The following DTNA variants were observed in gnomAD, a reference collection of about 807,000 sequenced individuals.
DTNA encodes the protein dystrophin-related protein 3.
A neutral mutation model predicts 100.7 loss-of-function variants in DTNA; 43 were observed. The observed-to-expected ratio is 0.43, with a 90% confidence interval of 0.33 to 0.55. The LOEUF (loss-of-function observed/expected upper bound fraction) is 0.55. Among genes scored for constraint, DTNA ranks in the 20% least tolerant of loss-of-function variants. The probability of loss-of-function intolerance (pLI) is 0.04; values close to 1 mark genes in which losing one functional copy is unlikely to be tolerated. For synonymous variants in DTNA, 349 were observed against 347.9 expected (o/e 1.00, Z -0.04); for missense variants, 798 against 953.9 (o/e 0.84, Z 2.15).
At chr18:34,578,644 C>T (rs577341660) in intron 1 of DTNA, among the ~76,000 whole-genome samples, 1 of 152,060 alleles carries the variant, frequency 6.6e-6, no homozygotes, top group African/African-American at 2.4e-5. Context: ...GATTTTTATA[C>T]GTGGTGAGAG....
At chr18:34,719,556 A>G (rs1339615823) in intron 1 of DTNA, among the ~76,000 whole-genome samples, 1 of 152,092 alleles carries the variant, frequency 6.6e-6, no homozygotes, top group Non-Finnish European at 1.5e-5. Flanking sequence ...CTCTTAATCT[A>G]TGTTAATTTT....
chr18:34,700,693 C>T (rs1466646957), intron 1 of DTNA, among the ~76,000 whole-genome samples: 1 of 152,216 alleles, frequency 6.6e-6, no homozygotes, highest in Non-Finnish European at 1.5e-5. Context: ...ATAAGCACTT[C>T]AGGTGTGCTT....
intron 13 of DTNA, among the ~76,000 whole-genome samples, chr18:34,842,060 A>G (rs938836039): frequency 1.4e-4 from 22 of 152,128 alleles, no homozygotes; most frequent in Non-Finnish European, 2.9e-4. Context: ...CAGGAGAAGG[A>G]GTCTGAAATG....
intron 3 of DTNA, among the ~76,000 whole-genome samples, chr18:34,785,680 C>T (rs1263193277): frequency 1.3e-5 from 2 of 151,914 alleles, no homozygotes; most frequent in African/African-American, 4.8e-5. Context: ...CATTGTATAC[C>T]TCTGAATATA....
At chr18:34,588,042 G>A (rs533050319) in intron 1 of DTNA, among the ~76,000 whole-genome samples, 1 of 152,240 alleles carries the variant, frequency 6.6e-6, no homozygotes, top group South Asian at 2.1e-4. Context: ...AGTTTGTATA[G>A]ACGAGTAAAA....
At chr18:34,594,535 TGGCC>T (rs2050194918) in intron 1 of DTNA, among the ~76,000 whole-genome samples, 1 of 152,226 alleles carries the variant, frequency 6.6e-6, no homozygotes, top group African/African-American at 2.4e-5. Flanking sequence ...TAAATGTAAC[TGGCC>T]AGTTTTTTGT....
chr18:34,582,899 C>T (rs565525790), intron 1 of DTNA, among the ~76,000 whole-genome samples: 163 of 152,302 alleles, frequency 1.1e-3, no homozygotes, highest in African/African-American at 3.8e-3. Context: ...TACGAATCAT[C>T]ATGACAACTT....
At chr18:34,680,089 C>T (rs976199462) in intron 1 of DTNA, among the ~76,000 whole-genome samples, 8 of 151,932 alleles carry the variant, frequency 5.3e-5, no homozygotes, top group South Asian at 2.1e-4. Flanking sequence ...GTTTTAGATG[C>T]GCTTATTGGG....
intron 21 of DTNA, among the ~76,000 whole-genome samples, chr18:34,883,960 C>T (rs915913832): frequency 3.9e-5 from 6 of 152,156 alleles, no homozygotes; most frequent in Non-Finnish European, 8.8e-5. Flanking sequence ...GAAACAAATT[C>T]GCCTGATTGC....
At chr18:34,823,780 CA>C (rs1212058723) in intron 9 of DTNA, among the ~76,000 whole-genome samples, 1 of 152,120 alleles carries the variant, frequency 6.6e-6, no homozygotes, top group Non-Finnish European at 1.5e-5. Flanking sequence ...TGTAGTGTCA[CA>C]AAAATATCCC....
chr18:34,616,689 G>A (rs1484124079), intron 1 of DTNA, among the ~76,000 whole-genome samples: 26 of 152,140 alleles, frequency 1.7e-4, no homozygotes, highest in Admixed American at 1.6e-3. Flanking sequence ...GATAGGAATA[G>A]CATTGAATCT....
intron 17 of DTNA, chr18:34,867,019 A>AATTAG: frequency 8.2e-7 from 1 of 1,222,978 alleles, no homozygotes; most frequent in South Asian, 4.3e-5. Flanking sequence ...AATTAAATTA[A>AATTAG]ATAGAAGCAA....
At chr18:34,539,697 A>G (rs944351418) in intron 1 of DTNA, among the ~76,000 whole-genome samples, 11 of 152,078 alleles carry the variant, frequency 7.2e-5, no homozygotes, top group African/African-American at 2.6e-4. Flanking sequence ...CTATGTGAAC[A>G]TATCTTTTCC....
chr18:34,653,205 A>G (rs2073859086), intron 1 of DTNA, among the ~76,000 whole-genome samples: 1 of 152,160 alleles, frequency 6.6e-6, no homozygotes, highest in East Asian at 1.9e-4. Flanking sequence ...TCTTATAATC[A>G]TGGTAAATCA....
At chr18:34,690,796 G>T (rs2079638801) in intron 1 of DTNA, among the ~76,000 whole-genome samples, 1 of 152,164 alleles carries the variant, frequency 6.6e-6, no homozygotes, top group African/African-American at 2.4e-5. Flanking sequence ...CTAAATAAAT[G>T]GCTGGTGATT....
chr18:34,860,916 T>G (rs1172344409), intron 16 of DTNA, among the ~76,000 whole-genome samples: 1 of 152,162 alleles, frequency 6.6e-6, no homozygotes, highest in East Asian at 1.9e-4. Flanking sequence ...ATAAGGAAAC[T>G]GAGATTCACA....
chr18:34,846,258 T>G (rs1418135199), intron 13 of DTNA, among the ~76,000 whole-genome samples: 1 of 152,128 alleles, frequency 6.6e-6, no homozygotes, highest in East Asian at 1.9e-4. Context: ...CTTTAAAATT[T>G]GAAAAGCACT....
In DTNA at chr18:34,766,489, C is replaced by T. The variant is rs190780571; in HGVS notation, c.148+448C>T. Among the ~76,000 whole-genome samples the T allele has an allele frequency of 1.6e-3, 103 of 63,238 alleles. 1 individual carries two copies. The highest frequency in any genetic ancestry group is 4.4e-3 in the African/African-American group (99 of 22,706). The allele number at this position is 63,238 out of a possible 152,430, so 41.5% of individuals were successfully genotyped here. ...GTGGGAACTGAACAATGAGAACACA[C>T]AGGAAGGGGAACATCACACTCCGGG... On this transcript the variant is annotated intron_variant, in intron 3 of 22. Coordinates refer to ENST00000444659, the MANE Select transcript of DTNA (RefSeq NM_001386795.1).
At chr18:34,600,824 A>G (rs191714233) in intron 1 of DTNA, among the ~76,000 whole-genome samples, 6 of 152,338 alleles carry the variant, frequency 3.9e-5, no homozygotes, top group East Asian at 1.9e-4. Flanking sequence ...TCAGTGACAT[A>G]TAGAAACCAG....
Sources: gnomAD v4.1 joint callset for allele counts (sites outside exome capture counted in the v4.1 genomes callset) on GRCh38, gnomAD v4.1.1 for gene constraint, MANE v1.5 for transcripts, NCBI Gene and HGNC (gene_info 2026-07-23, HGNC 2026-07-21) for gene names.